The following DOK6 variants were observed in gnomAD, a reference collection of about 807,000 sequenced individuals.
The protein encoded by DOK6 is downstream of tyrosine kinase 6.
DOK6 carries 22 observed loss-of-function variants against 44.0 expected under a neutral mutation model. The ratio of observed to expected loss-of-function variants is 0.50; its 90% CI spans 0.36 to 0.71. The LOEUF is 0.71. Among genes scored for constraint, DOK6 ranks in the 30% least tolerant of loss-of-function variants. DOK6 has a pLI of 0.00. For missense variants in DOK6, 340 were observed against 416.4 expected (o/e 0.82, Z 1.60); for synonymous variants, 166 against 145.5 (o/e 1.14, Z -1.01).
At chr18:69,509,663 A>AAT (rs397977960) in intron 1 of DOK6, among the ~76,000 whole-genome samples, 1 of 115,490 alleles carries the variant, frequency 8.7e-6, no homozygotes, top group Non-Finnish European at 2.1e-5. Context: ...AAAAAAAAAA[A>AAT]CACACAAGTC....
At chr18:69,713,935 A>G (rs558155779) in intron 5 of DOK6, among the ~76,000 whole-genome samples, 1 of 152,290 alleles carries the variant, frequency 6.6e-6, no homozygotes, top group South Asian at 2.1e-4. Context: ...AGTGGTGAAA[A>G]TAAATTATAG....
At chr18:69,523,773 A>C (rs1288773963) in intron 1 of DOK6, among the ~76,000 whole-genome samples, 1 of 151,924 alleles carries the variant, frequency 6.6e-6, no homozygotes, top group Non-Finnish European at 1.5e-5. Context: ...CCAAGAAAAT[A>C]TTGCTTTGTC....
At chr18:69,409,284 G>C (rs1028481792) in intron 1 of DOK6, among the ~76,000 whole-genome samples, 3 of 152,116 alleles carry the variant, frequency 2.0e-5, no homozygotes, top group Non-Finnish European at 4.4e-5. Flanking sequence ...CCCAGTCTCT[G>C]GTATGTTCTT....
In DOK6 at chr18:69,402,809, C is replaced by T. The variant is rs146035499; in HGVS notation, c.66+1499C>T. 3.3e-4 allele frequency among the ~76,000 whole-genome samples: 50 copies of T among 152,328 alleles called. No individual in the cohort carries two copies. In the East Asian group the frequency reaches 8.9e-3, roughly 27 times the overall value. On this transcript the variant is annotated intron_variant, in intron 1 of 7. Transcript: ENST00000382713. Reference sequence around the variant, plus strand: ...AGAGCAGGCGCCAGAGTCAGATCCTCGGCCAGGTTTCAAGGGCTTTTCTTG... The same window carrying T: ...AGAGCAGGCGCCAGAGTCAGATCCTTGGCCAGGTTTCAAGGGCTTTTCTTG...
chr18:69,591,979 T>TTA (rs749082620), intron 2 of DOK6, among the ~76,000 whole-genome samples: 7 of 152,152 alleles, frequency 4.6e-5, no homozygotes, highest in Non-Finnish European at 8.8e-5. Flanking sequence ...CTGTGTTGTA[T>TTA]TAAGCCAGGT....
chr18:69,731,245 A>G (rs973547199), intron 5 of DOK6, among the ~76,000 whole-genome samples: 9 of 152,196 alleles, frequency 5.9e-5, no homozygotes, highest in Non-Finnish European at 1.2e-4. Flanking sequence ...AAAAAGTTAA[A>G]TGCATATATA....
At chr18:69,413,733 A>G (rs575232390) in intron 1 of DOK6, among the ~76,000 whole-genome samples, 6 of 152,016 alleles carry the variant, frequency 3.9e-5, no homozygotes, top group Non-Finnish European at 8.8e-5. Context: ...CATAAAAGGA[A>G]ATATTGACAA....
intron 3 of DOK6, among the ~76,000 whole-genome samples, chr18:69,614,182 A>C (rs1984227741): frequency 6.6e-6 from 1 of 152,070 alleles, no homozygotes; most frequent in Admixed American, 6.5e-5. Flanking sequence ...TGTATCTTAC[A>C]ATATTATCAC....
At position 69,551,580 on chromosome 18, in the gene DOK6, G is replaced by T. The variant is rs149781385; in HGVS notation, c.67-12907G>T. Among the ~76,000 whole-genome samples the T allele has an allele frequency of 3.9e-3, 595 of 152,228 alleles. 3 individuals are homozygous for T. The highest frequency in any genetic ancestry group is 6.8e-3 in the Middle Eastern group (2 of 294). ...GACCCATATGGTATAAAATACTAAG[G>T]TTCCTCTGCTCAGGAAATCCAGGAG... On this transcript the variant is annotated intron_variant, in intron 1 of 7. Transcript: ENST00000382713.
chr18:69,502,178 T>C (rs1166063674), intron 1 of DOK6, among the ~76,000 whole-genome samples: 1 of 152,140 alleles, frequency 6.6e-6, no homozygotes, highest in Non-Finnish European at 1.5e-5. Flanking sequence ...GCTAACTTCT[T>C]GAAAAGCATG....
chr18:69,578,004 A>G (rs1407854546), intron 2 of DOK6, among the ~76,000 whole-genome samples: 1 of 152,130 alleles, frequency 6.6e-6, no homozygotes, highest in Non-Finnish European at 1.5e-5. Flanking sequence ...GGAAACCACC[A>G]TGGCACATAC....
At chr18:69,619,647 A>G (rs1307672400) in intron 3 of DOK6, among the ~76,000 whole-genome samples, 1 of 152,244 alleles carries the variant, frequency 6.6e-6, no homozygotes, top group African/African-American at 2.4e-5. Flanking sequence ...AAATGAATGA[A>G]CTAATTGTCC....
intron 5 of DOK6, among the ~76,000 whole-genome samples, chr18:69,701,737 A>C (rs1986525041): frequency 6.6e-6 from 1 of 152,198 alleles, no homozygotes; most frequent in African/African-American, 2.4e-5. Context: ...CCTGGGAAAA[A>C]CCCAGTTACT....
intron 1 of DOK6, among the ~76,000 whole-genome samples, chr18:69,455,166 A>C (rs57728690): frequency 7.1e-6 from 1 of 140,238 alleles, no homozygotes; most frequent in Admixed American, 7.5e-5. Context: ...CAAAAAAAAA[A>C]AAAAAAAAGA....
intron 1 of DOK6, among the ~76,000 whole-genome samples, chr18:69,478,050 T>C (rs1980316104): frequency 6.6e-6 from 1 of 152,204 alleles, no homozygotes; most frequent in African/African-American, 2.4e-5. Flanking sequence ...TACACTAATA[T>C]TACCTTAAAT....
chr18:69,697,645 A>G (rs1397239484), intron 4 of DOK6, among the ~76,000 whole-genome samples: 2 of 152,104 alleles, frequency 1.3e-5, no homozygotes, highest in African/African-American at 2.4e-5. Flanking sequence ...AATCTATTTA[A>G]TGCATCTAAA....
At chr18:69,597,608 G>GA (rs1983774535) in intron 2 of DOK6, among the ~76,000 whole-genome samples, 2 of 152,140 alleles carry the variant, frequency 1.3e-5, no homozygotes, top group South Asian at 2.1e-4. Context: ...TAGTCAACAA[G>GA]AAAAATCACA....
chr18:69,525,697 A>G (rs1031709483), intron 1 of DOK6, among the ~76,000 whole-genome samples: 4 of 151,378 alleles, frequency 2.6e-5, no homozygotes, highest in Non-Finnish European at 5.9e-5. Context: ...TTTATGGATC[A>G]TAAAGTCTCT....
At chr18:69,710,892 T>A (rs530763338) in intron 5 of DOK6, among the ~76,000 whole-genome samples, 55 of 152,366 alleles carry the variant, frequency 3.6e-4, no homozygotes, top group Non-Finnish European at 1.0e-4. Context: ...TACTTTCACC[T>A]GACCCAAGCA....
Sources: gnomAD v4.1 joint callset for allele counts (sites outside exome capture counted in the v4.1 genomes callset) on GRCh38, gnomAD v4.1.1 for gene constraint, MANE v1.5 for transcripts, NCBI Gene and HGNC (gene_info 2026-07-23, HGNC 2026-07-21) for gene names.